The following PPP1R3A variants were observed in gnomAD, a reference collection of about 807,000 sequenced individuals.
PPP1R3A encodes the protein protein phosphatase 1 regulatory subunit 3A, also known as RG1.
A neutral mutation model predicts 41.7 loss-of-function variants in PPP1R3A; 29 were observed. The ratio of observed to expected loss-of-function variants is 0.70; its 90% CI spans 0.52 to 0.95. The LOEUF (loss-of-function observed/expected upper bound fraction) is 0.95. PPP1R3A is among the 40% of genes least tolerant of loss of function. PPP1R3A has a pLI of 0.00. For synonymous variants in PPP1R3A, 485 were observed against 453.4 expected (o/e 1.07, Z -0.89); for missense variants, 1,352 against 1,292.4 (o/e 1.05, Z -0.71).
chr7:113,878,092 T>C lies in PPP1R3A; in HGVS notation c.3000A>G (p.Glu1000=). Residue 1000 remains glutamate (E), a synonymous_variant, in exon 4 of 4, where the codon GAA becomes GAG. Transcript: ENST00000284601. Reference sequence around the variant, plus strand: ...CTAGAGATTTTTCCACACTATACTCTTCTGTTTGGAAAATCTGGCCTATGC... The same window carrying C: ...CTAGAGATTTTTCCACACTATACTCCTCTGTTTGGAAAATCTGGCCTATGC... ...ERCIGQIFQT[E]EYSVEKSLGP... is the part of the protein sequence containing the mutation. 1 of 1,613,474 alleles carries C rather than the reference T, an allele frequency of 6.2e-7. No individual in the cohort carries two copies. The highest frequency in any genetic ancestry group is 8.5e-7 in the Non-Finnish European group (1 of 1,179,684).
chr7:113,895,649 AT>A (rs1796964868), intron 1 of PPP1R3A, among the ~76,000 whole-genome samples: 1 of 151,944 alleles, frequency 6.6e-6, no homozygotes, highest in African/African-American at 2.4e-5. Context: ...AAGCAATTCC[AT>A]TTTACAAACA....
chr7:113,909,390 A>T (rs965711454), intron 1 of PPP1R3A, among the ~76,000 whole-genome samples: 1 of 151,208 alleles, frequency 6.6e-6, no homozygotes, highest in Non-Finnish European at 1.5e-5. Flanking sequence ...TATAAAATAA[A>T]GTTTCCTTTC....
At chr7:113,906,251 C>A (rs999309836) in intron 1 of PPP1R3A, among the ~76,000 whole-genome samples, 1 of 151,722 alleles carries the variant, frequency 6.6e-6, no homozygotes, top group Non-Finnish European at 1.5e-5. Context: ...GCAGTTATTG[C>A]TGGGACAAAT....
chr7:113,886,863 T>C (rs1201373991), intron 1 of PPP1R3A, among the ~76,000 whole-genome samples: 3 of 152,116 alleles, frequency 2.0e-5, no homozygotes, highest in East Asian at 1.9e-4. Flanking sequence ...ACTATGACAA[T>C]TGTGACATGA....
intron 1 of PPP1R3A, among the ~76,000 whole-genome samples, chr7:113,915,643 T>C (rs1342991536): frequency 6.7e-6 from 1 of 150,076 alleles, no homozygotes; most frequent in Non-Finnish European, 1.5e-5. Flanking sequence ...ATATATATTC[T>C]GTTTTTACCT....
At position 113,877,675 on chromosome 7, in the gene PPP1R3A, T is replaced by A; in HGVS notation, c.*48A>T. The A allele has an allele frequency of 6.7e-7, 1 of 1,498,984 alleles. No individual in the cohort carries two copies. The highest frequency in any genetic ancestry group is 8.9e-7 in the Non-Finnish European group (1 of 1,120,176). 92.9% of individuals were successfully genotyped at this position (1,498,984 alleles called of 1,614,324 possible). ...ATAGTCCCATTCACCAATCCAAATG[T>A]TTGGGGTTAAATAGCTTATCTTTTA... On this transcript the variant is annotated 3_prime_UTR_variant, in exon 4 of 4. Coordinates refer to ENST00000284601, the MANE Select transcript of PPP1R3A (RefSeq NM_002711.4).
chr7:113,895,200 C>A (rs142144559), intron 1 of PPP1R3A, among the ~76,000 whole-genome samples: 1 of 151,860 alleles, frequency 6.6e-6, no homozygotes, highest in Admixed American at 6.6e-5. Flanking sequence ...TGGCTCTTGA[C>A]AAAGAATTTC....
At chr7:113,890,740 CCTAT>C (rs1432924204) in intron 1 of PPP1R3A, among the ~76,000 whole-genome samples, 5 of 151,996 alleles carry the variant, frequency 3.3e-5, no homozygotes, top group Non-Finnish European at 7.4e-5. Context: ...ACATTTTCAA[CCTAT>C]CTAATAAAAT....
chr7:113,887,119 CT>C (rs1227682016), intron 1 of PPP1R3A, among the ~76,000 whole-genome samples: 3 of 151,986 alleles, frequency 2.0e-5, no homozygotes, highest in African/African-American at 7.2e-5. Context: ...AGAAAATAAT[CT>C]AATATTTTAA....
At position 113,881,790 on chromosome 7, in the gene PPP1R3A, A is replaced by C. The variant is rs887070855; in HGVS notation, c.966+249T>G. ...GCTACCTCTCCTGTAATTCCTGCAA[A>C]CTATTACTCAGAGCCACTGGTAAAG... On this transcript the variant is annotated intron_variant, in intron 3 of 3. Coordinates refer to ENST00000284601, the MANE Select transcript of PPP1R3A (RefSeq NM_002711.4). 2.0e-5 allele frequency among the ~76,000 whole-genome samples: 3 copies of C among 152,156 alleles called. No homozygotes were observed. The East Asian group carries it at 5.8e-4, about 30-fold the overall frequency.
In PPP1R3A at chr7:113,918,414, C is replaced by G. The variant is rs1415104246; in HGVS notation, c.583G>C (p.Val195Leu). 2 of 1,613,150 alleles carry G rather than the reference C, an allele frequency of 1.2e-6. No individual in the cohort carries two copies. The highest frequency in any genetic ancestry group is 1.7e-5 in the Admixed American group (1 of 59,888). Reference protein sequence around the residue: ...TDQFSFKIVLVPPYQKDGSKV... With the variant: ...TDQFSFKIVLLPPYQKDGSKV... ...CTGCCATCTTTTTGATAAGGAGGAA[C>G]CAATACAATCTTAAAGGAGAACTGG... The change falls in exon 1 of 4, where the codon GTT becomes CTT. Residue 195 changes from valine to leucine, a missense_variant. Val to Leu is a conservative substitution (Grantham distance 32). Coordinates refer to ENST00000284601, the MANE Select transcript of PPP1R3A (RefSeq NM_002711.4).
Position 113,879,339 on chromosome 7 carries a change from G to A in PPP1R3A, c.1753C>T (p.Pro585Ser). The A allele has an allele frequency of 1.2e-6, 2 of 1,613,546 alleles. No individual in the cohort carries two copies. The highest frequency in any genetic ancestry group is 1.7e-6 in the Non-Finnish European group (2 of 1,179,698). Residue 585 changes from proline (P) to serine (S), a missense_variant, in exon 4 of 4, where the codon CCA (proline) becomes TCA (serine). By Grantham distance (74) the Pro-to-Ser change is moderately conservative (BLOSUM62 -1). Transcript: ENST00000284601. Reference sequence around the variant, plus strand: ...TCTTCCCAACTTAAATTTGTCCTTGGTGAATGAGACACATCTGCTGTGATT... The same window carrying A: ...TCTTCCCAACTTAAATTTGTCCTTGATGAATGAGACACATCTGCTGTGATT... ...RAITADVSHS[P>S]RTNLSWEEAV...
intron 3 of PPP1R3A, among the ~76,000 whole-genome samples, chr7:113,881,262 G>A (rs895545444): frequency 7.2e-5 from 11 of 152,018 alleles, no homozygotes; most frequent in African/African-American, 2.7e-4. Flanking sequence ...TCCTGTTTCA[G>A]CACTGACACT....
At chr7:113,906,617 A>G (rs2129119543) in intron 1 of PPP1R3A, among the ~76,000 whole-genome samples, 1 of 151,930 alleles carries the variant, frequency 6.6e-6, no homozygotes, top group South Asian at 2.1e-4. Context: ...AATCATGAAA[A>G]CAATAAATGC....
At chr7:113,916,001 T>C (rs574484658) in intron 1 of PPP1R3A, among the ~76,000 whole-genome samples, 18 of 152,188 alleles carry the variant, frequency 1.2e-4, no homozygotes, top group African/African-American at 4.3e-4. Flanking sequence ...TTATGGCACA[T>C]GCTGTTCTAA....
chr7:113,906,097 G>A (rs1033037434), intron 1 of PPP1R3A, among the ~76,000 whole-genome samples: 12 of 151,704 alleles, frequency 7.9e-5, no homozygotes, highest in Admixed American at 7.9e-4. Flanking sequence ...GTATGCTGTA[G>A]CAGACTATAT....
At chr7:113,891,293 A>G (rs1796884171) in intron 1 of PPP1R3A, among the ~76,000 whole-genome samples, 1 of 152,036 alleles carries the variant, frequency 6.6e-6, no homozygotes, top group Non-Finnish European at 1.5e-5. Context: ...GAAAGTGTTT[A>G]ATAAATTATT....
chr7:113,887,062 C>T (rs1796796530), intron 1 of PPP1R3A, among the ~76,000 whole-genome samples: 2 of 152,132 alleles, frequency 1.3e-5, no homozygotes, highest in Middle Eastern at 3.4e-3. Flanking sequence ...TACCTTTTGC[C>T]AACATTACTA....
At chr7:113,898,140 T>C (rs547087764) in intron 1 of PPP1R3A, among the ~76,000 whole-genome samples, 9 of 151,958 alleles carry the variant, frequency 5.9e-5, no homozygotes, top group African/African-American at 2.2e-4. Flanking sequence ...TCAAAAAATA[T>C]TTAACTTATA....
Sources: gnomAD v4.1 joint callset for allele counts (sites outside exome capture counted in the v4.1 genomes callset) on GRCh38, gnomAD v4.1.1 for gene constraint, MANE v1.5 for transcripts, NCBI Gene and HGNC (gene_info 2026-07-23, HGNC 2026-07-21) for gene names.